NECTIN4: variants seen among roughly 807,000 people sequenced by gnomAD.
NECTIN4 encodes the protein nectin-4.
In NECTIN4, 19 loss-of-function variants were observed where a neutral mutation model predicts 51.7. The observed-to-expected ratio is 0.37, with a 90% CI of 0.26 to 0.54. The LOEUF (loss-of-function observed/expected upper bound fraction) is 0.54, where lower values mean the gene tolerates loss of function less well. Among genes scored for constraint, NECTIN4 ranks in the 20% least tolerant of loss-of-function variants. The pLI, the probability that NECTIN4 is intolerant of heterozygous loss-of-function variation, is 0.86. For missense variants in NECTIN4, 619 were observed against 662.4 expected, an observed-to-expected ratio of 0.93 and a Z score of 0.72; for synonymous variants, 283 against 286.9, an observed-to-expected ratio of 0.99 and a Z score of 0.14.
At chr1:161,073,153 C>G in intron 8 of NECTIN4, 72 bp downstream of exon 8, 1 of 1,351,292 alleles carries the variant, frequency 7.4e-7, no homozygotes. Flanking sequence ...GGGCTGCTGA[C>G]GCACCATATC....
At position 161,072,615 on chromosome 1, in the gene NECTIN4, A is replaced by G. The variant is rs367674230; in HGVS notation, c.*46T>C. 6.5e-7 allele frequency: 1 copy of G among 1,528,526 alleles called. No individual in the cohort carries two copies. The highest frequency in any genetic ancestry group is 1.4e-5 in the African/African-American group (1 of 73,256). 94.7% of individuals were successfully genotyped at this position (1,528,526 alleles called of 1,614,324 possible). A position where few individuals can be genotyped will look rare whatever the true frequency, so the allele number is the denominator to read the frequency against. ...CCCCCAAGATGAGCTAAAATCTCCCATGTCAACAGAAGGAGCCAGGCCTAG... is the reference window on the plus strand; with the variant it reads ...CCCCCAAGATGAGCTAAAATCTCCCGTGTCAACAGAAGGAGCCAGGCCTAG... On this transcript the variant is annotated 3_prime_UTR_variant, in exon 9 of 9. Coordinates refer to ENST00000368012, the MANE Select transcript of NECTIN4 (RefSeq NM_030916.3).
chr1:161,073,247 TCCTTGAGA>T lies in NECTIN4; in HGVS notation c.1278_1285del (p.Ser426ArgfsTer4). ...CACCATCACAGAGCAGCTACTGTTG[TCCTTGAGA>T]CTATCAGGGTGGCCCTCGGCTCTCA... On this transcript the variant is annotated frameshift_variant, in exon 8 of 9. Coordinates refer to ENST00000368012, the MANE Select transcript of NECTIN4 (RefSeq NM_030916.3). LOFTEE classifies it high-confidence loss of function. The T allele has an allele frequency of 6.2e-7, 1 of 1,614,102 alleles. No individual in the cohort carries two copies. Among genetic ancestry groups the T allele is most frequent in the Non-Finnish European group, 8.5e-7 (1 of 1,179,974 alleles).
chr1:161,084,863 G>A, intron 1 of NECTIN4: 1 of 151,926 alleles, frequency 6.6e-6, no homozygotes, highest in East Asian at 1.9e-4. Flanking sequence ...TCCTGCCTGG[G>A]GCTAGGGGGA....
intron 4 of NECTIN4, among the ~76,000 whole-genome samples, chr1:161,075,367 G>T (rs1653368821): frequency 6.6e-6 from 1 of 152,246 alleles, no homozygotes; most frequent in South Asian, 2.1e-4. Context: ...TTATAGGAGT[G>T]TTGGCTTAAC....
intron 2 of NECTIN4, among the ~76,000 whole-genome samples, chr1:161,078,367 G>A (rs1212414196): frequency 6.6e-6 from 1 of 152,114 alleles, no homozygotes; most frequent in African/African-American, 2.4e-5. Context: ...GAGTGCAGTG[G>A]CATGATCTCG....
chr1:161,080,790 A>T (rs1653647923), intron 1 of NECTIN4, among the ~76,000 whole-genome samples: 1 of 152,216 alleles, frequency 6.6e-6, no homozygotes, highest in Non-Finnish European at 1.5e-5. Flanking sequence ...GGATTCTGGA[A>T]TCAGAGCTAT....
At chr1:161,076,178 T>C (rs1009125690) in intron 4 of NECTIN4, among the ~76,000 whole-genome samples, 177 bp downstream of exon 4, 2 of 152,224 alleles carry the variant, frequency 1.3e-5, no homozygotes, top group African/African-American at 2.4e-5. Flanking sequence ...GCCAATAATA[T>C]TTGGTGACCA....
chr1:161,080,887 G>A (rs1291599938), intron 1 of NECTIN4, among the ~76,000 whole-genome samples: 1 of 152,186 alleles, frequency 6.6e-6, no homozygotes, highest in Non-Finnish European at 1.5e-5. Context: ...GATACATATG[G>A]AGACACATAT....
At chr1:161,075,034 G>C (rs889138825) in intron 4 of NECTIN4, among the ~76,000 whole-genome samples, 1 of 86,554 alleles carries the variant, frequency 1.2e-5, no homozygotes, top group Non-Finnish European at 2.6e-5. Flanking sequence ...TCCAACACTG[G>C]GTACCAGGTA....
intron 1 of NECTIN4, among the ~76,000 whole-genome samples, chr1:161,081,840 C>T (rs1028308108): frequency 2.0e-5 from 3 of 149,668 alleles, no homozygotes; most frequent in African/African-American, 7.4e-5. Context: ...GGTGCCCTTC[C>T]TCTGTGCTCC....
At chr1:161,086,488 C>T (rs894453280) in intron 1 of NECTIN4, among the ~76,000 whole-genome samples, 5 of 152,184 alleles carry the variant, frequency 3.3e-5, no homozygotes, top group Admixed American at 6.5e-5. Flanking sequence ...GAAAGCTGAT[C>T]CTAACCCCCA....
Position 161,074,262 on chromosome 1 carries a change from A to G in NECTIN4, c.1112T>C (p.Met371Thr). 3 of 1,614,118 alleles carry G rather than the reference A, an allele frequency of 1.9e-6. No homozygotes were observed. Among genetic ancestry groups the G allele is most frequent in the Non-Finnish European group, 1.7e-6 (2 of 1,180,018 alleles). Residue 371 changes from methionine to threonine, a missense_variant, in exon 6 of 9, where the codon ATG (methionine) becomes ACG (threonine). Met to Thr is a moderately conservative substitution (Grantham distance 81, BLOSUM62 -1). Around this residue, in one of 3 missense-constraint regions of NECTIN4, gnomAD observed 364 missense variants for 415.7 expected, o/e 0.88. Coordinates refer to ENST00000368012, the MANE Select transcript of NECTIN4 (RefSeq NM_030916.3). ...FCLLVVVVVL[M>T]SRYHRRKAQQ... The stretch of plus-strand genomic sequence containing the variant: ...GGCCTTGCGCCGATGGTATCGGGAC[A>G]TGAGCACCACCACCACCACCAGAAG...
chr1:161,077,819 C>T, intron 2 of NECTIN4, 76 bp from the exon 3 acceptor site: 12 of 1,377,052 alleles, frequency 8.7e-6, no homozygotes, highest in Non-Finnish European at 1.2e-5. Flanking sequence ...GCATTTCAGT[C>T]TTGCACAAGT....
intron 8 of NECTIN4, 71 bp downstream of exon 8, chr1:161,073,154 G>C: frequency 7.4e-7 from 1 of 1,360,196 alleles, no homozygotes; most frequent in Admixed American, 1.7e-5. Context: ...GGCTGCTGAC[G>C]CACCATATCT....
chr1:161,086,271 C>T (rs922843551), intron 1 of NECTIN4, among the ~76,000 whole-genome samples: 2 of 152,162 alleles, frequency 1.3e-5, no homozygotes, highest in African/African-American at 4.8e-5. Context: ...CTAGGCTCTC[C>T]TTGGCCCGGC....
rs766182200 is a variant in NECTIN4 at position 161,074,264 on chromosome 1, G to A, written c.1110C>T (p.Leu370=). 6 of 1,613,918 alleles carry A rather than the reference G, an allele frequency of 3.7e-6. No individual in the cohort carries two copies. The highest frequency in any genetic ancestry group is 5.1e-6 in the Non-Finnish European group (6 of 1,180,016). Reference sequence around the variant, plus strand: ...CCTTGCGCCGATGGTATCGGGACATGAGCACCACCACCACCACCAGAAGGC... The same window carrying A: ...CCTTGCGCCGATGGTATCGGGACATAAGCACCACCACCACCACCAGAAGGC... ...LFCLLVVVVV[L]MSRYHRRKAQ... The change falls in exon 6 of 9, where the codon CTC becomes CTT. Residue 370 remains leucine (L), a synonymous_variant. Transcript: ENST00000368012.
chr1:161,073,451 C>T (rs762152788), intron 7 of NECTIN4, 152 bp from the exon 8 acceptor site: 5 of 738,944 alleles, frequency 6.8e-6, no homozygotes, highest in Non-Finnish European at 1.2e-5. Flanking sequence ...CCTCATTTCC[C>T]CACTGCGACC....
chr1:161,088,119 A>G (rs1411614), intron 1 of NECTIN4, among the ~76,000 whole-genome samples: 34,598 of 152,026 alleles, frequency 0.23, 4,333 homozygotes, highest in South Asian at 0.3. Flanking sequence ...GACCTATAAT[A>G]AAATCAGAGT....
In NECTIN4 at chr1:161,079,595, A is replaced by C. The variant is rs756511576; in HGVS notation, c.434T>G (p.Val145Gly). The C allele has an allele frequency of 6.2e-7, 1 of 1,603,332 alleles. No homozygotes were observed. The highest frequency in any genetic ancestry group is 8.5e-7 in the Non-Finnish European group (1 of 1,179,454). Residue 145 changes from valine (V) to glycine (G), a missense_variant, in exon 2 of 9, where the codon GTG becomes GGG. By Grantham distance (109) the Val-to-Gly change is moderately radical. Transcript: ENST00000368012. ...ACCCAGAGATCCCCGCTTACCCAGC[A>C]CTCGGAGCCGCAGCCGCGCCTGGAA... ...GSFQARLRLR[V>G]LVPPLPSLNP...
Sources: allele counts gnomAD v4.1 joint callset (sites outside exome capture counted in the v4.1 genomes callset), GRCh38; gene constraint gnomAD v4.1.1; regional missense constraint gnomAD v4.1.1; transcripts MANE v1.5; gene names NCBI Gene and HGNC (gene_info 2026-07-23, HGNC 2026-07-21).